GTF2F2: variants seen among roughly 807,000 people sequenced by gnomAD.
GTF2F2 encodes ATP-dependent helicase GTF2F2.
In GTF2F2, 23 loss-of-function variants were observed where a neutral mutation model predicts 42.2. The observed-to-expected ratio is 0.55, with a 90% CI of 0.39 to 0.77. The LOEUF is 0.77. Among genes scored for constraint, GTF2F2 ranks in the 30% least tolerant of loss-of-function variants. The pLI, the probability that GTF2F2 is intolerant of heterozygous loss-of-function variation, is 0.00. For synonymous variants in GTF2F2, 105 were observed against 100.8 expected, an observed-to-expected ratio of 1.04 and a Z score of -0.25; for missense variants, 261 against 287.2, an observed-to-expected ratio of 0.91 and a Z score of 0.66.
At chr13:45,237,572 G>C (rs1875054262) in intron 5 of GTF2F2, among the ~76,000 whole-genome samples, 1 of 152,118 alleles carries the variant, frequency 6.6e-6, no homozygotes, top group Admixed American at 6.6e-5. Flanking sequence ...ACTTATTTCT[G>C]TTATAATTCT....
intron 4 of GTF2F2, among the ~76,000 whole-genome samples, chr13:45,171,067 A>G (rs1266603789): frequency 1.6e-5 from 2 of 128,334 alleles, no homozygotes; most frequent in Admixed American, 7.7e-5. Flanking sequence ...CTAAAACCCT[A>G]TCTTTTTTTT....
At chr13:45,160,508 C>G (rs1331929660) in intron 4 of GTF2F2, among the ~76,000 whole-genome samples, 1 of 152,144 alleles carries the variant, frequency 6.6e-6, no homozygotes, top group African/African-American at 2.4e-5. Flanking sequence ...ATCTCTTACC[C>G]AGACATGATT....
intron 4 of GTF2F2, among the ~76,000 whole-genome samples, chr13:45,205,420 G>A (rs780083703): frequency 2.0e-5 from 3 of 152,130 alleles, no homozygotes; most frequent in Non-Finnish European, 4.4e-5. Context: ...ATTTGGCTGG[G>A]GACACAGAGC....
chr13:45,264,921 G>A (rs1239985945), intron 6 of GTF2F2, among the ~76,000 whole-genome samples: 3 of 152,152 alleles, frequency 2.0e-5, no homozygotes, highest in Non-Finnish European at 4.4e-5. Flanking sequence ...CCTACTGAAG[G>A]TGGAAACTGA....
chr13:45,191,220 AAAAAATATATATATATAT>A (rs1461078905), intron 4 of GTF2F2, among the ~76,000 whole-genome samples: 3 of 75,218 alleles, frequency 4.0e-5, no homozygotes, highest in African/African-American at 2.6e-4. Context: ...AAATACAAAA[AAAAAATATATATATATAT>A]ATATATATAT....
At chr13:45,253,841 C>T (rs966759419) in intron 6 of GTF2F2, among the ~76,000 whole-genome samples, 16 of 152,064 alleles carry the variant, frequency 1.1e-4, no homozygotes, top group African/African-American at 3.9e-4. Flanking sequence ...TTTGGGAGGC[C>T]GAGGCAGGCG....
intron 6 of GTF2F2, among the ~76,000 whole-genome samples, chr13:45,256,296 A>G (rs1183669829): frequency 6.6e-6 from 1 of 152,134 alleles, no homozygotes; most frequent in Non-Finnish European, 1.5e-5. Flanking sequence ...ATTGTCTAAG[A>G]TTTACCTTCT....
intron 7 of GTF2F2, among the ~76,000 whole-genome samples, chr13:45,273,443 G>T (rs1876886373): frequency 2.6e-5 from 4 of 151,984 alleles, no homozygotes; most frequent in African/African-American, 9.7e-5. Context: ...ATAAACAAAT[G>T]AGTCAGAATT....
At chr13:45,186,181 C>G (rs61949172) in intron 4 of GTF2F2, among the ~76,000 whole-genome samples, 31,365 of 151,468 alleles carry the variant, frequency 0.21, 3,472 homozygotes, top group African/African-American at 0.23. Context: ...TGCCATGTTG[C>G]CCTGGCTGGT....
chr13:45,210,090 G>A (rs552058484), intron 5 of GTF2F2, among the ~76,000 whole-genome samples: 1 of 152,304 alleles, frequency 6.6e-6, no homozygotes, highest in South Asian at 2.1e-4. Context: ...AGCCAGGGAA[G>A]TTCTTTTAAA....
intron 4 of GTF2F2, among the ~76,000 whole-genome samples, chr13:45,189,077 AG>A (rs941236629): frequency 6.6e-6 from 1 of 151,510 alleles, no homozygotes; most frequent in Non-Finnish European, 1.5e-5. Context: ...AACAGGCCCC[AG>A]TGTGTGATGT....
At position 45,172,639 on chromosome 13, in the gene GTF2F2, T is replaced by C. The variant is rs577103531; in HGVS notation, c.304+20808T>C. Reference sequence around the variant, plus strand: ...AGTTAATTTTGTATATGGTATGAAATAGGAAGCCAACTTTAATTCTTTTCC... The same window carrying C: ...AGTTAATTTTGTATATGGTATGAAACAGGAAGCCAACTTTAATTCTTTTCC... On this transcript the variant is annotated intron_variant, in intron 4 of 7. Coordinates refer to ENST00000340473, the MANE Select transcript of GTF2F2 (RefSeq NM_004128.3). Among the ~76,000 whole-genome samples the C allele has an allele frequency of 1.4e-4, 21 of 152,346 alleles. 1 individual carries two copies. Among genetic ancestry groups the C allele is most frequent in the African/African-American group, 4.6e-4 (19 of 41,574 alleles).
chr13:45,147,440 AG>A (rs1463641048), intron 2 of GTF2F2, among the ~76,000 whole-genome samples: 2 of 152,200 alleles, frequency 1.3e-5, no homozygotes, highest in African/African-American at 4.8e-5. Context: ...GAGCTCTAGA[AG>A]CTAAATTCAG....
chr13:45,242,853 AAACT>A (rs1464793174), intron 5 of GTF2F2, among the ~76,000 whole-genome samples: 3 of 152,336 alleles, frequency 2.0e-5, no homozygotes, highest in African/African-American at 7.2e-5. Flanking sequence ...TTATTGACTA[AAACT>A]TACAGATTTC....
At chr13:45,131,927 AG>A (rs1869376787) in intron 1 of GTF2F2, among the ~76,000 whole-genome samples, 42 of 145,452 alleles carry the variant, frequency 2.9e-4, no homozygotes, top group African/African-American at 1.0e-3. Flanking sequence ...AAAAAGAGAG[AG>A]AGAGAAAAGG....
At chr13:45,251,632 C>T (rs749031990) in intron 5 of GTF2F2, among the ~76,000 whole-genome samples, 2 of 151,460 alleles carry the variant, frequency 1.3e-5, no homozygotes, top group Non-Finnish European at 2.9e-5. Flanking sequence ...AATTTTCTAA[C>T]ATCGTTTTCA....
At chr13:45,145,755 A>C (rs1453118272) in intron 2 of GTF2F2, among the ~76,000 whole-genome samples, 1 of 152,024 alleles carries the variant, frequency 6.6e-6, no homozygotes, top group African/African-American at 2.4e-5. Context: ...TCCCAACTCC[A>C]TGTGCAAATA....
chr13:45,216,228 A>G (rs922644256), intron 5 of GTF2F2, among the ~76,000 whole-genome samples: 1 of 152,162 alleles, frequency 6.6e-6, no homozygotes, highest in South Asian at 2.1e-4. Flanking sequence ...AAGAGGAAAA[A>G]AAAGAAGGCA....
rs1877373406 is a variant in GTF2F2, at chr13:45,284,056, G to A, written c.*495G>A. On this transcript the variant is annotated 3_prime_UTR_variant, in exon 8 of 8. Coordinates refer to ENST00000340473, the MANE Select transcript of GTF2F2 (RefSeq NM_004128.3). ...GTTTTTCTTTTAAACAGGTGATCAC[G>A]TTTCGTGTTCATACTCAACGTTAAT... 1 of 152,096 alleles carries A rather than the reference G, an allele frequency of 6.6e-6. No individual in the cohort carries two copies. Among genetic ancestry groups the A allele is most frequent in the African/African-American group, 2.4e-5 (1 of 41,400 alleles). 9.4% of individuals were successfully genotyped at this position (152,096 alleles called of 1,614,324 possible).
Sources: allele counts gnomAD v4.1 joint callset (sites outside exome capture counted in the v4.1 genomes callset), GRCh38; gene constraint gnomAD v4.1.1; transcripts MANE v1.5; gene names NCBI Gene and HGNC (gene_info 2026-07-23, HGNC 2026-07-21).